CEP128: variants seen among roughly 807,000 people sequenced by gnomAD.
The protein encoded by CEP128 is centrosomal protein 128.
CEP128 carries 132 observed loss-of-function variants against 156.7 expected under a neutral mutation model. The ratio of observed to expected loss-of-function variants is 0.84; its 90% CI spans 0.73 to 0.97. The LOEUF is 0.97. Among genes scored for constraint, CEP128 ranks in the 50% least tolerant of loss-of-function variants. The pLI, the probability that CEP128 is intolerant of heterozygous loss-of-function variation, is 0.00. For missense variants in CEP128, 1,252 were observed against 1,281.9 expected, an observed-to-expected ratio of 0.98 and a Z score of 0.36; for synonymous variants, 469 against 448.9, an observed-to-expected ratio of 1.04 and a Z score of -0.57.
chr14:80,517,997 A>G (rs2140238271), intron 23 of CEP128, among the ~76,000 whole-genome samples: 1 of 152,048 alleles, frequency 6.6e-6, no homozygotes, highest in African/African-American at 2.4e-5. Context: ...GCAGTGGTGG[A>G]CGGTGAGCGA....
Position 80,785,144 on chromosome 14 carries a change from T to C in CEP128, c.1962A>G (p.Glu654=). 1 of 1,614,142 alleles carries C rather than the reference T, an allele frequency of 6.2e-7. No homozygotes were observed. Among genetic ancestry groups the C allele is most frequent in the African/African-American group, 1.3e-5 (1 of 75,046 alleles). Reference sequence around the variant, plus strand: ...TAAGCACTGCTTTCTTGGCTCTCTCTTCCTCAGCCAATTTATTAGCAAGAT... The same window carrying C: ...TAAGCACTGCTTTCTTGGCTCTCTCCTCCTCAGCCAATTTATTAGCAAGAT... The part of the protein sequence containing the change: ...RADLANKLAE[E]ERAKKAVLKD... Residue 654 remains glutamate (E), a synonymous_variant, in exon 15 of 25, where the codon GAA becomes GAG. Coordinates refer to ENST00000555265, the MANE Select transcript of CEP128 (RefSeq NM_152446.5).
chr14:80,745,869 T>C (rs186850336), intron 18 of CEP128, among the ~76,000 whole-genome samples: 14 of 151,898 alleles, frequency 9.2e-5, no homozygotes, highest in African/African-American at 3.1e-4. Context: ...GTAATTCCAT[T>C]AAAAAAATCT....
upstream of CEP128, chr14:80,945,455 G>T (rs2139649193): frequency 6.6e-6 from 1 of 152,276 alleles, no homozygotes; most frequent in Admixed American, 6.5e-5. Flanking sequence ...AGATGCGGGA[G>T]ATATTTTTGA....
intron 23 of CEP128, among the ~76,000 whole-genome samples, chr14:80,524,648 C>T (rs1194921521): frequency 2.0e-5 from 3 of 152,156 alleles, no homozygotes; most frequent in Non-Finnish European, 4.4e-5. Context: ...ATATTTTCCT[C>T]ACCAATGACT....
intron 24 of CEP128, among the ~76,000 whole-genome samples, chr14:80,499,608 T>C (rs1234640392): frequency 6.6e-6 from 1 of 152,214 alleles, no homozygotes; most frequent in African/African-American, 2.4e-5. Flanking sequence ...ATTTACAATC[T>C]GCATTTATTT....
intron 13 of CEP128, 36 bp downstream of exon 13, chr14:80,831,107 A>G: frequency 6.3e-7 from 1 of 1,589,764 alleles, no homozygotes; most frequent in Non-Finnish European, 8.6e-7. Flanking sequence ...ATAAAATTAA[A>G]ATATTTCGAA....
At chr14:80,612,004 G>A (rs914776242) in intron 19 of CEP128, among the ~76,000 whole-genome samples, 1 of 152,180 alleles carries the variant, frequency 6.6e-6, no homozygotes, top group Non-Finnish European at 1.5e-5. Context: ...GTTGCAGTGA[G>A]CAGAGATCAC....
At chr14:80,530,742 A>G in intron 22 of CEP128, 67 bp downstream of exon 22, 1 of 1,160,068 alleles carries the variant, frequency 8.6e-7, no homozygotes, top group African/African-American at 1.6e-5. Context: ...TTCTTTGCAC[A>G]TCAGGAAGAT....
intron 13 of CEP128, among the ~76,000 whole-genome samples, chr14:80,811,880 A>C (rs1884576081): frequency 7.4e-6 from 1 of 135,630 alleles, no homozygotes; most frequent in African/African-American, 2.8e-5. Flanking sequence ...GCATAAAGCA[A>C]AAACTTTATC....
intron 21 of CEP128, among the ~76,000 whole-genome samples, chr14:80,551,764 A>T (rs927735313): frequency 5.4e-4 from 82 of 151,978 alleles, no homozygotes; most frequent in Non-Finnish European, 1.0e-3. Context: ...AAATGTCTTC[A>T]CCTCCCTCCC....
At chr14:80,951,611 A>G (rs745353408) in intron 2 of CEP128, among the ~76,000 whole-genome samples, 6 of 152,140 alleles carry the variant, frequency 3.9e-5, no homozygotes, top group Non-Finnish European at 8.8e-5. Context: ...GGATCAAATA[A>G]CAATGGAGAA....
At chr14:80,925,808 G>A (rs920198747) in intron 2 of CEP128, among the ~76,000 whole-genome samples, 1 of 152,140 alleles carries the variant, frequency 6.6e-6, no homozygotes, top group African/African-American at 2.4e-5. Context: ...ACTGGGAGTT[G>A]CCAGAGCATG....
At chr14:80,500,217 G>A (rs563520428) in intron 24 of CEP128, among the ~76,000 whole-genome samples, 5 of 152,032 alleles carry the variant, frequency 3.3e-5, no homozygotes, top group Admixed American at 6.6e-5. Flanking sequence ...TTTTTTCCAC[G>A]GTCAATGATT....
intron 19 of CEP128, among the ~76,000 whole-genome samples, chr14:80,681,190 G>A (rs1045026849): frequency 4.6e-5 from 7 of 151,952 alleles, no homozygotes; most frequent in African/African-American, 7.3e-5. Flanking sequence ...ACTCCCTAGC[G>A]AGGAAGGGAA....
intron 8 of CEP128, among the ~76,000 whole-genome samples, chr14:80,887,621 C>T (rs1232656020): frequency 6.6e-6 from 1 of 151,996 alleles, no homozygotes; most frequent in East Asian, 1.9e-4. Flanking sequence ...TGGGATACAG[C>T]TAAAGCAGTG....
At position 80,583,830 on chromosome 14, in the gene CEP128, A is replaced by G. The variant is rs184076136; in HGVS notation, c.2807-3407T>C. On this transcript the variant is annotated intron_variant, in intron 19 of 24. Transcript: ENST00000555265. ...AGTCTCCAGGGATGTAGTTGTATTG[A>G]ACCTTCTTATCTCTATTCAGAAACC... Among the ~76,000 whole-genome samples, 4 of 152,310 alleles carry G rather than the reference A, an allele frequency of 2.6e-5. No individual in the cohort carries two copies. The East Asian group carries it at 7.7e-4, about 29-fold the overall frequency.
In CEP128 at chr14:80,811,847, T is replaced by TA. The variant is rs1555350870; in HGVS notation, c.1210-18738_1210-18737insT. Among the ~76,000 whole-genome samples the TA allele has an allele frequency of 2.4e-3, 361 of 150,620 alleles. 1 individual carries two copies. The highest frequency in any genetic ancestry group is 3.9e-3 in the Non-Finnish European group (263 of 67,518). ...ATAGATAGATAGATAGATAGATAGA[T>TA]GATAACAGTCCTTTGGTACCCTGCA... On this transcript the variant is annotated intron_variant, in intron 13 of 24. Coordinates refer to ENST00000555265, the MANE Select transcript of CEP128 (RefSeq NM_152446.5).
intron 19 of CEP128, among the ~76,000 whole-genome samples, chr14:80,716,925 T>C (rs1375086920): frequency 6.6e-6 from 1 of 152,222 alleles, no homozygotes; most frequent in Non-Finnish European, 1.5e-5. Flanking sequence ...GCTGTCCTGG[T>C]GAGTATAAAG....
intron 19 of CEP128, among the ~76,000 whole-genome samples, chr14:80,604,990 C>G (rs1892722184): frequency 6.6e-6 from 1 of 152,040 alleles, no homozygotes; most frequent in Non-Finnish European, 1.5e-5. Flanking sequence ...AAGTTTCTAC[C>G]AAGCCCATTC....
Sources: gnomAD v4.1 joint callset for allele counts (sites outside exome capture counted in the v4.1 genomes callset) on GRCh38, gnomAD v4.1.1 for gene constraint, MANE v1.5 for transcripts, NCBI Gene and HGNC (gene_info 2026-07-23, HGNC 2026-07-21) for gene names.